The following CCDC30 variants were observed in gnomAD, a reference collection of about 807,000 sequenced individuals.
The protein encoded by CCDC30 is coiled-coil domain-containing protein 30.
Under a neutral mutation model 100.2 loss-of-function variants are expected in CCDC30, and 70 were observed. The ratio of observed to expected loss-of-function variants is 0.70; its 90% CI spans 0.58 to 0.85. CCDC30 has a LOEUF of 0.85. CCDC30 is among the 40% of genes least tolerant of loss of function. CCDC30 has a pLI of 0.00. For missense variants in CCDC30, 652 were observed against 771.2 expected, an observed-to-expected ratio of 0.85 and a Z score of 1.83; for synonymous variants, 233 against 269.5, an observed-to-expected ratio of 0.86 and a Z score of 1.33.
At chr1:42,634,042 C>T (rs558692129) in intron 11 of CCDC30, among the ~76,000 whole-genome samples, 8 of 152,112 alleles carry the variant, frequency 5.3e-5, no homozygotes, top group South Asian at 2.1e-4. Context: ...TGGAGGCAAC[C>T]GCCCCCATGA....
chr1:42,621,548 G>C lies in CCDC30; in HGVS notation c.1277+10458G>C, dbSNP rs567741827. On this transcript the variant is annotated intron_variant, in intron 11 of 16. Transcript: ENST00000668663. ...TTATTTTGAGATGGACTCTCGCTCT[G>C]TGGTCTAGGCTGGAGTGCAGTGGCG... 1.2e-4 allele frequency among the ~76,000 whole-genome samples: 18 copies of C among 151,570 alleles called. No homozygotes were observed. In the South Asian group the frequency reaches 3.5e-3, roughly 30 times the overall value.
chr1:42,492,053 C>T (rs776926370), intron 4 of CCDC30: 10 of 437,090 alleles, frequency 2.3e-5, no homozygotes, highest in Middle Eastern at 6.8e-4. Context: ...TTACCCCTGA[C>T]GAAATGTGTT....
At chr1:42,651,083 A>C (rs1437343906) in intron 15 of CCDC30, among the ~76,000 whole-genome samples, 1 of 152,234 alleles carries the variant, frequency 6.6e-6, no homozygotes, top group African/African-American at 2.4e-5. Context: ...CTCCAAATGG[A>C]TTAAAGACTT....
chr1:42,475,266 A>G (rs1569719923), intron 1 of CCDC30, among the ~76,000 whole-genome samples: 1 of 152,180 alleles, frequency 6.6e-6, no homozygotes, highest in African/African-American at 2.4e-5. Flanking sequence ...TCATGATAGA[A>G]TGGTGATCTC....
intron 7 of CCDC30, among the ~76,000 whole-genome samples, chr1:42,573,935 T>G (rs893692770): frequency 1.3e-5 from 2 of 152,140 alleles, no homozygotes; most frequent in Admixed American, 6.5e-5. Flanking sequence ...CTAATGTTAA[T>G]CCAATTTTGC....
intron 9 of CCDC30, among the ~76,000 whole-genome samples, chr1:42,584,547 G>A (rs2762690): frequency 2.0e-5 from 3 of 151,984 alleles, no homozygotes; most frequent in Admixed American, 6.5e-5. Flanking sequence ...GAGCCAAGAT[G>A]GCGCCACTGC....
intron 6 of CCDC30, among the ~76,000 whole-genome samples, chr1:42,503,677 C>T (rs1443983096): frequency 6.6e-6 from 1 of 152,192 alleles, no homozygotes; most frequent in African/African-American, 2.4e-5. Context: ...AAGCTTCCAG[C>T]TTATTTGTCT....
At chr1:42,639,499 C>G (rs934911757) in intron 12 of CCDC30, among the ~76,000 whole-genome samples, 6 of 152,204 alleles carry the variant, frequency 3.9e-5, no homozygotes, top group African/African-American at 1.2e-4. Context: ...CAAAGAACCA[C>G]AGGTCTTCAT....
intron 11 of CCDC30, among the ~76,000 whole-genome samples, chr1:42,625,014 G>T (rs137884664): frequency 2.0e-5 from 3 of 152,132 alleles, no homozygotes; most frequent in African/African-American, 7.2e-5. Context: ...TTGGGTTCTG[G>T]CCTTTTCTTT....
chr1:42,582,152 C>T (rs896173085), intron 9 of CCDC30, among the ~76,000 whole-genome samples: 1 of 151,880 alleles, frequency 6.6e-6, no homozygotes. Flanking sequence ...ATCACTTGAG[C>T]CCAGGAGTTT....
Position 42,529,501 on chromosome 1 carries a change from G to C in CCDC30, c.456+30585G>C, listed in dbSNP as rs1644775446. ...TAAATAAATAAATAAATAAATAAAT[G>C]GTCTCAGTTAGTAATAATCAATTAG... is the stretch of plus-strand genomic sequence containing the variant. On this transcript the variant is annotated intron_variant, in intron 6 of 16. Coordinates refer to ENST00000668663, the Ensembl canonical transcript of CCDC30. 3 of 148,120 alleles carry C rather than the reference G, an allele frequency of 2.0e-5. No individual in the cohort carries two copies. In the Admixed American group the frequency reaches 2.0e-4, roughly 10 times the overall value. 9.2% of individuals were successfully genotyped at this position (148,120 alleles called of 1,614,324 possible).
At chr1:42,482,618 G>A in intron 2 of CCDC30, 45 bp from the exon 3 acceptor site, 5 of 1,149,850 alleles carry the variant, frequency 4.3e-6, no homozygotes, top group Non-Finnish European at 5.5e-6. Context: ...TGTCATGAGA[G>A]TACATTTGCT....
In CCDC30 at chr1:42,536,351, A is replaced by G. The variant is rs2148520423; in HGVS notation, c.457-29945A>G. ...AAATGTATCTTATGAGCTATAAACT[A>G]GTTTTCCTAGGTTCATAAATCCCCT... is the stretch of plus-strand genomic sequence containing the variant. On this transcript the variant is annotated intron_variant, in intron 6 of 16. Transcript: ENST00000668663. 5.2e-6 allele frequency: 3 copies of G among 571,496 alleles called. No homozygotes were observed. The South Asian group carries it at 9.1e-5, about 17-fold the overall frequency. The allele number at this position is 571,496 out of a possible 1,614,324, so 35.4% of individuals were successfully genotyped here.
At chr1:42,479,441 G>C (rs973801835) in intron 1 of CCDC30, among the ~76,000 whole-genome samples, 1 of 151,932 alleles carries the variant, frequency 6.6e-6, no homozygotes, top group Admixed American at 6.6e-5. Flanking sequence ...TCAATAGAGA[G>C]TCCAGAAATA....
At chr1:42,566,451 C>T in exon 7 of CCDC30, 1 of 1,613,562 alleles carries the variant, frequency 6.2e-7, no homozygotes, top group Non-Finnish European at 8.5e-7. Flanking sequence ...AACATAATAG[C>T]TTACTTCAGG....
intron 14 of CCDC30, among the ~76,000 whole-genome samples, chr1:42,645,368 A>G (rs1456994848): frequency 6.6e-6 from 1 of 151,968 alleles, no homozygotes; most frequent in Non-Finnish European, 1.5e-5. Context: ...AAGAGAAGCA[A>G]TTATGTTCCA....
chr1:42,619,307 T>C (rs879428734), intron 11 of CCDC30, among the ~76,000 whole-genome samples: 2 of 152,124 alleles, frequency 1.3e-5, no homozygotes. Context: ...TTTTGGAAAA[T>C]GGAGGAGCCC....
chr1:42,474,482 T>C (rs2809662), intron 1 of CCDC30, among the ~76,000 whole-genome samples: 149,267 of 152,344 alleles, frequency 0.98, 73,194 homozygotes, highest in East Asian at 1. Context: ...GAAACGAAAG[T>C]TTGCCAGGAA....
chr1:42,647,256 T>C (rs901549590), intron 15 of CCDC30, among the ~76,000 whole-genome samples: 8 of 151,970 alleles, frequency 5.3e-5, no homozygotes, highest in African/African-American at 1.2e-4. Context: ...AGATATTCCA[T>C]GCAACTGGAA....
Sources: allele counts gnomAD v4.1 joint callset (sites outside exome capture counted in the v4.1 genomes callset), GRCh38; gene constraint gnomAD v4.1.1; transcripts MANE v1.5; gene names NCBI Gene and HGNC (gene_info 2026-07-23, HGNC 2026-07-21).